The following ANKRD44 variants were observed in gnomAD, a reference collection of about 807,000 sequenced individuals.
ANKRD44 encodes the protein ankyrin repeat domain 44, also known as serine/threonine-protein phosphatase 6 regulatory ankyrin repeat subunit B.
Under a neutral mutation model 116.0 loss-of-function variants are expected in ANKRD44, and 35 were observed. The observed-to-expected ratio is 0.30, with a 90% CI of 0.23 to 0.40. The LOEUF is 0.40. ANKRD44 is among the 10% of genes least tolerant of loss of function. The pLI is 1.00. For synonymous variants in ANKRD44, 435 were observed against 461.8 expected, an observed-to-expected ratio of 0.94 and a Z score of 0.74; for missense variants, 1,014 against 1,242.6, an observed-to-expected ratio of 0.82 and a Z score of 2.77.
At chr2:197,252,820 A>G (rs1235146594) in intron 1 of ANKRD44, among the ~76,000 whole-genome samples, 1 of 152,188 alleles carries the variant, frequency 6.6e-6, no homozygotes, top group Non-Finnish European at 1.5e-5. Flanking sequence ...AAAGACCTGT[A>G]TTTACTCTTG....
At chr2:197,158,286 G>T (rs1053732112) in intron 2 of ANKRD44, among the ~76,000 whole-genome samples, 1 of 152,106 alleles carries the variant, frequency 6.6e-6, no homozygotes, top group East Asian at 1.9e-4. Flanking sequence ...TAAACTTAAC[G>T]CATTTGTTGA....
chr2:197,106,773 G>A (rs2078438779), intron 9 of ANKRD44, among the ~76,000 whole-genome samples: 1 of 148,240 alleles, frequency 6.7e-6, no homozygotes, highest in Non-Finnish European at 1.5e-5. Flanking sequence ...CTGGGTGACA[G>A]AGCAAGACTC....
chr2:197,098,017 G>C (rs755811941), intron 10 of ANKRD44, among the ~76,000 whole-genome samples: 26 of 152,022 alleles, frequency 1.7e-4, no homozygotes, highest in Non-Finnish European at 3.4e-4. Flanking sequence ...CTCTTCTTGG[G>C]ATATCCTTCC....
intron 18 of ANKRD44, among the ~76,000 whole-genome samples, chr2:197,010,751 G>A (rs752913771): frequency 5.9e-5 from 9 of 152,224 alleles, no homozygotes; most frequent in Non-Finnish European, 1.2e-4. Flanking sequence ...AGGCCACAAA[G>A]TACATTGTAT....
intron 10 of ANKRD44, among the ~76,000 whole-genome samples, chr2:197,093,651 A>C (rs2078097609): frequency 6.6e-6 from 1 of 152,238 alleles, no homozygotes; most frequent in South Asian, 2.1e-4. Flanking sequence ...ATTGGAAATA[A>C]AAGAAAAGCA....
rs9283513 is a variant in ANKRD44, at chr2:197,213,226, C to G, written c.28-26120G>C. On this transcript the variant is annotated intron_variant, in intron 1 of 27. Transcript: ENST00000282272. ...TGGTATATCACCCAAACAAGGTTAG[C>G]CTGAAGGAAGGAGAAGTTCTCAAAG... is the stretch of plus-strand genomic sequence containing the variant. 2.0e-5 allele frequency among the ~76,000 whole-genome samples: 3 copies of G among 152,020 alleles called. 1 individual carries two copies. The highest frequency in any genetic ancestry group is 4.4e-5 in the Non-Finnish European group (3 of 68,018).
At chr2:197,276,926 ATT>A (rs371691153) in intron 1 of ANKRD44, among the ~76,000 whole-genome samples, 6,601 of 135,914 alleles carry the variant, frequency 0.049, 195 homozygotes, top group Non-Finnish European at 0.07. Context: ...GAACCCAGGA[ATT>A]TTTTTTTTTT....
At chr2:197,019,517 A>G (rs1574287708) in intron 17 of ANKRD44, among the ~76,000 whole-genome samples, 1 of 152,212 alleles carries the variant, frequency 6.6e-6, no homozygotes, top group Admixed American at 6.5e-5. Flanking sequence ...ACAGAAGGGC[A>G]GAGATGATAA....
At chr2:197,126,958 G>A (rs1054577586) in intron 4 of ANKRD44, among the ~76,000 whole-genome samples, 2 of 151,690 alleles carry the variant, frequency 1.3e-5, no homozygotes, top group Admixed American at 6.6e-5. Context: ...ACTGCACTCC[G>A]GCCTGGGCAA....
At chr2:197,062,672 T>C (rs896334095) in intron 16 of ANKRD44, among the ~76,000 whole-genome samples, 1 of 152,224 alleles carries the variant, frequency 6.6e-6, no homozygotes, top group South Asian at 2.1e-4. Context: ...GGAGATTATA[T>C]CCTGCACCTG....
At chr2:197,008,728 G>A (rs1452363440) in intron 19 of ANKRD44, among the ~76,000 whole-genome samples, 1 of 152,184 alleles carries the variant, frequency 6.6e-6, no homozygotes, top group East Asian at 1.9e-4. Flanking sequence ...TTAAAAAGGT[G>A]ATCCTTTCAT....
chr2:197,089,904 T>C (rs764573324), intron 11 of ANKRD44, 46 bp downstream of exon 11: 6 of 1,544,898 alleles, frequency 3.9e-6, no homozygotes, highest in East Asian at 4.5e-5. Flanking sequence ...CATTGACTCA[T>C]GTACAGGACA....
chr2:197,074,721 C>G (rs545866839), intron 16 of ANKRD44, among the ~76,000 whole-genome samples: 1 of 152,302 alleles, frequency 6.6e-6, no homozygotes, highest in African/African-American at 2.4e-5. Context: ...TCAAGCAATC[C>G]TCCCACCTCA....
chr2:197,225,823 G>T (rs1458681075), intron 1 of ANKRD44, among the ~76,000 whole-genome samples: 1 of 152,192 alleles, frequency 6.6e-6, no homozygotes, highest in Non-Finnish European at 1.5e-5. Flanking sequence ...GGTGGAAATT[G>T]CTGTTTACCT....
intron 16 of ANKRD44, among the ~76,000 whole-genome samples, chr2:197,059,086 A>G (rs962339301): frequency 6.6e-6 from 1 of 152,116 alleles, no homozygotes; most frequent in African/African-American, 2.4e-5. Flanking sequence ...GTGGTAATTT[A>G]CTTTCTGTCT....
intron 2 of ANKRD44, among the ~76,000 whole-genome samples, chr2:197,166,928 A>G (rs1258676586): frequency 6.6e-6 from 1 of 152,258 alleles, no homozygotes; most frequent in African/African-American, 2.4e-5. Flanking sequence ...CTTATGTGAT[A>G]TATAGTGTCC....
intron 1 of ANKRD44, among the ~76,000 whole-genome samples, chr2:197,299,777 G>A (rs2083842431): frequency 6.6e-6 from 1 of 152,116 alleles, no homozygotes. Context: ...CACCACTAAA[G>A]AACTTATTCA....
intron 2 of ANKRD44, among the ~76,000 whole-genome samples, chr2:197,186,442 A>G (rs757308059): frequency 2.6e-5 from 4 of 151,610 alleles, no homozygotes; most frequent in Non-Finnish European, 4.4e-5. Context: ...TCACTCTTAG[A>G]TCTTCTGCTG....
intron 10 of ANKRD44, among the ~76,000 whole-genome samples, chr2:197,093,753 G>A (rs1043588138): frequency 6.6e-6 from 1 of 152,120 alleles, no homozygotes; most frequent in Admixed American, 6.5e-5. Flanking sequence ...TGCTCACAAA[G>A]GAAGGATTAT....
Sources: gnomAD v4.1 joint callset for allele counts (sites outside exome capture counted in the v4.1 genomes callset) on GRCh38, gnomAD v4.1.1 for gene constraint, MANE v1.5 for transcripts, NCBI Gene and HGNC (gene_info 2026-07-23, HGNC 2026-07-21) for gene names.